The following ZFHX3 variants were observed in gnomAD, a reference collection of about 807,000 sequenced individuals.
The protein encoded by ZFHX3 is zinc finger homeobox protein 3.
ZFHX3 carries 42 observed loss-of-function variants against 279.1 expected under a neutral mutation model. The ratio of observed to expected loss-of-function variants is 0.15; its 90% CI spans 0.12 to 0.19. The LOEUF (loss-of-function observed/expected upper bound fraction) is 0.19, where lower values mean the gene tolerates loss of function less well. Ranked by LOEUF, ZFHX3 falls within the 10% of genes least tolerant of loss-of-function variation. The pLI, the probability that ZFHX3 is intolerant of heterozygous loss-of-function variation, is 1.00. For missense variants in ZFHX3, 4,981 were observed against 4,754.0 expected (o/e 1.05, Z -1.40); for synonymous variants, 2,293 against 1,957.8 (o/e 1.17, Z -4.52).
At position 73,254,884 on chromosome 16, in the gene ZFHX3, C is replaced by G. The variant is rs150668172; in HGVS notation, c.-1104+2163G>C. Among the ~76,000 whole-genome samples the G allele has an allele frequency of 2.3e-3, 345 of 150,012 alleles. 5 individuals are homozygous for G. Among genetic ancestry groups the G allele is most frequent in the Admixed American group, 0.02 (299 of 15,230 alleles). ...GTCTACTGAGGAAAGAGGTCTCCATCCACCTGTTTATCTATCCATCCATCC... is the reference window on the plus strand; with the variant it reads ...GTCTACTGAGGAAAGAGGTCTCCATGCACCTGTTTATCTATCCATCCATCC... On this transcript the variant is annotated intron_variant, in intron 5 of 17. Transcript: ENST00000641206.
chr16:73,208,439 G>A (rs1052916058), intron 5 of ZFHX3, among the ~76,000 whole-genome samples: 3 of 152,154 alleles, frequency 2.0e-5, no homozygotes, highest in Non-Finnish European at 2.9e-5. Context: ...GATGGTGACA[G>A]GAAGAGTGAC....
chr16:72,810,252 G>A (rs1459973442), intron 7 of ZFHX3, among the ~76,000 whole-genome samples: 2 of 143,964 alleles, frequency 1.4e-5, no homozygotes, highest in Non-Finnish European at 3.1e-5. Flanking sequence ...GTAGCGCAAT[G>A]TCAGCTCACT....
intron 2 of ZFHX3, among the ~76,000 whole-genome samples, chr16:73,630,651 A>G (rs1006764067): frequency 6.6e-6 from 1 of 152,228 alleles, no homozygotes; most frequent in Non-Finnish European, 1.5e-5. Flanking sequence ...ATTTCCACCA[A>G]GTTGTGACAT....
chr16:73,177,604 T>G (rs533110815), intron 5 of ZFHX3, among the ~76,000 whole-genome samples: 1 of 152,362 alleles, frequency 6.6e-6, no homozygotes, highest in Admixed American at 6.5e-5. Flanking sequence ...ACAGCCAATA[T>G]GGTTATATTA....
chr16:73,833,944 C>T (rs959315237), intron 1 of ZFHX3, among the ~76,000 whole-genome samples: 4 of 151,548 alleles, frequency 2.6e-5, no homozygotes, highest in Middle Eastern at 3.4e-3. Flanking sequence ...CCAAAGTAAA[C>T]GACAAGGGTG....
At chr16:73,055,359 C>T (rs1490497115) in intron 1 of ZFHX3, among the ~76,000 whole-genome samples, 1 of 151,964 alleles carries the variant, frequency 6.6e-6, no homozygotes, top group Admixed American at 6.5e-5. Context: ...TGCCTTTAAA[C>T]CACAGACCAA....
chr16:73,455,257 C>T (rs2065007072), intron 3 of ZFHX3, among the ~76,000 whole-genome samples: 1 of 151,928 alleles, frequency 6.6e-6, no homozygotes, highest in Non-Finnish European at 1.5e-5. Context: ...GGTCCAAATG[C>T]TTCCCAGGAA....
intron 3 of ZFHX3, among the ~76,000 whole-genome samples, chr16:73,370,302 A>G (rs73590932): frequency 0.027 from 4,072 of 152,346 alleles, 198 homozygotes; most frequent in African/African-American, 0.092. Context: ...GACAAGTCAC[A>G]TGCATCCTCT....
chr16:73,543,322 A>G (rs181532812), intron 2 of ZFHX3, among the ~76,000 whole-genome samples: 1 of 152,312 alleles, frequency 6.6e-6, no homozygotes, highest in Non-Finnish European at 1.5e-5. Context: ...TTATTTATGC[A>G]CTTTCTTCCA....
intron 1 of ZFHX3, among the ~76,000 whole-genome samples, chr16:72,992,265 C>T (rs1453901065): frequency 2.0e-5 from 3 of 152,158 alleles, no homozygotes; most frequent in African/African-American, 7.2e-5. Context: ...CCTCTCTGAC[C>T]TCTGCAGCCA....
intron 2 of ZFHX3, among the ~76,000 whole-genome samples, chr16:73,624,275 T>C (rs554384193): frequency 1.3e-5 from 2 of 152,334 alleles, no homozygotes; most frequent in South Asian, 4.1e-4. Flanking sequence ...AAAAATTCTT[T>C]AGCTGTTTCA....
intron 3 of ZFHX3, among the ~76,000 whole-genome samples, chr16:72,924,695 G>A (rs1055797788): frequency 1.3e-5 from 2 of 152,238 alleles, no homozygotes; most frequent in African/African-American, 2.4e-5. Context: ...ATTTGCATAT[G>A]ACATCAATTC....
intron 5 of ZFHX3, among the ~76,000 whole-genome samples, chr16:73,183,129 C>T (rs995749604): frequency 5.9e-5 from 9 of 152,132 alleles, no homozygotes; most frequent in African/African-American, 2.2e-4. Flanking sequence ...TGCTTGAACC[C>T]AGGAAGCAGA....
intron 1 of ZFHX3, among the ~76,000 whole-genome samples, chr16:73,749,188 G>A (rs190016289): frequency 2.9e-4 from 44 of 152,088 alleles, no homozygotes; most frequent in Non-Finnish European, 4.1e-4. Flanking sequence ...TTTTTACCTG[G>A]CCATGCCCTT....
chr16:73,303,465 G>A (rs1033881911), intron 4 of ZFHX3, among the ~76,000 whole-genome samples: 7 of 152,108 alleles, frequency 4.6e-5, no homozygotes, highest in Non-Finnish European at 7.4e-5. Context: ...AATTGACATG[G>A]ACATTCCAAA....
chr16:73,468,341 G>A lies in ZFHX3; in HGVS notation c.-1546-12083C>T, dbSNP rs140177323. Among the ~76,000 whole-genome samples the A allele has an allele frequency of 5.9e-5, 9 of 152,292 alleles. No homozygotes were observed. In the East Asian group the frequency reaches 7.7e-4, roughly 13 times the overall value. On this transcript the variant is annotated intron_variant, in intron 2 of 17. Transcript: ENST00000641206. ...CATGCACAAGCCACCCCTTAAGGAC[G>A]GTTCCTGGAAACTGACATACGGGCT...
chr16:73,842,514 C>A (rs912232554), intron 1 of ZFHX3, among the ~76,000 whole-genome samples: 2 of 152,076 alleles, frequency 1.3e-5, no homozygotes, highest in South Asian at 2.1e-4. Context: ...TGCTCCATAT[C>A]CCCATACCTA....
chr16:72,970,659 G>A (rs867680499), intron 1 of ZFHX3, among the ~76,000 whole-genome samples: 33 of 152,220 alleles, frequency 2.2e-4, no homozygotes, highest in Middle Eastern at 6.8e-3. Flanking sequence ...GCACTTTCCC[G>A]GCTAAACCGG....
At chr16:72,910,998 A>G in intron 3 of ZFHX3, among the ~76,000 whole-genome samples, 1 of 152,238 alleles carries the variant, frequency 6.6e-6, no homozygotes, top group East Asian at 1.9e-4. Flanking sequence ...TAGGAGTCAC[A>G]GAAGTCAACC....
Sources: allele counts gnomAD v4.1 joint callset (sites outside exome capture counted in the v4.1 genomes callset), GRCh38; gene constraint gnomAD v4.1.1; transcripts MANE v1.5; gene names NCBI Gene and HGNC (gene_info 2026-07-23, HGNC 2026-07-21).